The following EYS variants were observed in gnomAD, a reference collection of about 807,000 sequenced individuals.
EYS encodes protein eyes shut homolog.
In EYS, 250 loss-of-function variants were observed where a neutral mutation model predicts 282.1. The ratio of observed to expected loss-of-function variants is 0.89; its 90% CI spans 0.80 to 0.98. The LOEUF (loss-of-function observed/expected upper bound fraction) is 0.98. Among genes scored for constraint, EYS ranks in the 50% least tolerant of loss-of-function variants. The pLI is 0.00. For missense variants in EYS, 4,016 were observed against 3,709.0 expected (o/e 1.08, Z -2.15); for synonymous variants, 1,355 against 1,282.9 (o/e 1.06, Z -1.20).
intron 29 of EYS, among the ~76,000 whole-genome samples, chr6:64,381,213 A>G (rs78109184): frequency 0.031 from 4,723 of 152,148 alleles, 232 homozygotes; most frequent in African/African-American, 0.11. Flanking sequence ...TACTAACTCT[A>G]CCTAGTTAGT....
intron 12 of EYS, among the ~76,000 whole-genome samples, chr6:65,088,670 C>A (rs948360680): frequency 1.3e-5 from 2 of 152,114 alleles, no homozygotes; most frequent in African/African-American, 2.4e-5. Context: ...GAAATTCAAG[C>A]CTGCTATAGA....
At chr6:65,442,787 A>ATAT (rs1429764972) in intron 5 of EYS, among the ~76,000 whole-genome samples, 94 of 105,024 alleles carry the variant, frequency 9.0e-4, no homozygotes, top group East Asian at 2.8e-3. Flanking sequence ...AAATTAAAAA[A>ATAT]AAATATATAG....
intron 35 of EYS, among the ~76,000 whole-genome samples, chr6:63,873,447 G>A (rs889733745): frequency 3.3e-5 from 5 of 152,136 alleles, no homozygotes; most frequent in Non-Finnish European, 7.3e-5. Flanking sequence ...ATTGTGAATA[G>A]TGCTGAAATA....
intron 31 of EYS, among the ~76,000 whole-genome samples, chr6:64,083,976 G>A (rs1412826498): frequency 6.6e-6 from 1 of 152,160 alleles, no homozygotes; most frequent in Non-Finnish European, 1.5e-5. Flanking sequence ...GACCTCAGGT[G>A]ATCCACCTGC....
At chr6:64,307,435 A>G (rs1430391333) in intron 29 of EYS, among the ~76,000 whole-genome samples, 5 of 152,112 alleles carry the variant, frequency 3.3e-5, no homozygotes, top group African/African-American at 1.2e-4. Context: ...GCTAAGTGAA[A>G]TAAGTTAGAC....
intron 5 of EYS, among the ~76,000 whole-genome samples, chr6:65,419,905 T>C (rs936869375): frequency 6.6e-6 from 1 of 151,994 alleles, no homozygotes; most frequent in African/African-American, 2.4e-5. Flanking sequence ...TTACACTATA[T>C]TATAATCTAT....
intron 8 of EYS, among the ~76,000 whole-genome samples, chr6:65,371,979 G>A (rs992331517): frequency 7.6e-5 from 10 of 131,556 alleles, no homozygotes; most frequent in African/African-American, 2.8e-4. Context: ...AGTCACTCTT[G>A]TTGAGGATAA....
chr6:63,721,461 T>C lies in EYS; in HGVS notation c.8570A>G (p.Glu2857Gly). The change falls in exon 43 of 43, where the codon GAA (glutamate) becomes GGA (glycine). Residue 2857 changes from glutamate (E) to glycine (G), a missense_variant. By Grantham distance (98) the Glu-to-Gly change is moderately conservative. Transcript: ENST00000503581. Reference sequence around the variant, plus strand: ...TGCTCCAAATTCAGTTAATTGTAATTCTTGATTATTTATGATAACTTGTCG... The same window carrying C: ...TGCTCCAAATTCAGTTAATTGTAATCCTTGATTATTTATGATAACTTGTCG... ...CIRQVIINNQ[E>G]LQLTEFGAKG... 1 of 1,551,602 alleles carries C rather than the reference T, an allele frequency of 6.4e-7. No homozygotes were observed. The highest frequency in any genetic ancestry group is 8.7e-7 in the Non-Finnish European group (1 of 1,146,882).
intron 30 of EYS, among the ~76,000 whole-genome samples, chr6:64,253,256 C>A (rs1006322170): frequency 5.3e-5 from 8 of 152,024 alleles, no homozygotes; most frequent in Non-Finnish European, 1.0e-4. Flanking sequence ...TAGAGTAAGG[C>A]ACAAAATACT....
intron 14 of EYS, among the ~76,000 whole-genome samples, chr6:64,948,183 T>A (rs1174081219): frequency 6.6e-6 from 1 of 151,474 alleles, no homozygotes; most frequent in Non-Finnish European, 1.5e-5. Context: ...GAAGAAAATA[T>A]AATTTAAAAA....
At chr6:64,241,068 T>C (rs183337460) in intron 30 of EYS, among the ~76,000 whole-genome samples, 28 of 152,228 alleles carry the variant, frequency 1.8e-4, no homozygotes, top group Middle Eastern at 3.4e-3. Flanking sequence ...ATTTGTGTAT[T>C]TGAACCACCC....
At chr6:65,320,607 G>A (rs560514583) in intron 11 of EYS, among the ~76,000 whole-genome samples, 1 of 152,314 alleles carries the variant, frequency 6.6e-6, no homozygotes, top group South Asian at 2.1e-4. Context: ...GATCCAAGTG[G>A]CACATGGGAT....
At chr6:65,598,055 C>T (rs546362512) in intron 2 of EYS, among the ~76,000 whole-genome samples, 37 of 151,894 alleles carry the variant, frequency 2.4e-4, no homozygotes, top group Admixed American at 9.9e-4. Flanking sequence ...AGCTGTGATC[C>T]GGCCACTGCA....
chr6:63,819,667 G>A (rs910429292), intron 36 of EYS, among the ~76,000 whole-genome samples: 2 of 152,114 alleles, frequency 1.3e-5, no homozygotes, highest in African/African-American at 4.8e-5. Context: ...AATTTCATAA[G>A]TTCAGTATCT....
At chr6:65,038,748 T>C (rs1772843056) in intron 13 of EYS, among the ~76,000 whole-genome samples, 1 of 151,456 alleles carries the variant, frequency 6.6e-6, no homozygotes. Flanking sequence ...TTTTCAATAA[T>C]TTTTTTATTA....
chr6:65,175,747 CT>C (rs1286697502), intron 12 of EYS, among the ~76,000 whole-genome samples: 1 of 151,392 alleles, frequency 6.6e-6, no homozygotes, highest in Non-Finnish European at 1.5e-5. Flanking sequence ...GTGAATGACA[CT>C]GAGTCAAAAG....
At chr6:65,329,838 T>C (rs563114012) in intron 11 of EYS, 46 of 982,102 alleles carry the variant, frequency 4.7e-5, no homozygotes, top group Non-Finnish European at 5.3e-5. Context: ...TTTACAAGCC[T>C]CCTGACTCTA....
chr6:64,981,734 AAAAAG>A (rs2150116988), intron 14 of EYS, among the ~76,000 whole-genome samples: 1 of 151,464 alleles, frequency 6.6e-6, no homozygotes, highest in African/African-American at 2.4e-5. Flanking sequence ...AGGGGAATCC[AAAAAG>A]AAAAGAAAAT....
intron 5 of EYS, among the ~76,000 whole-genome samples, chr6:65,478,383 G>A (rs1161395043): frequency 7.9e-5 from 12 of 151,956 alleles, no homozygotes; most frequent in Non-Finnish European, 1.6e-4. Flanking sequence ...TTCACAAAAT[G>A]GTGGACATAA....
Sources: gnomAD v4.1 joint callset for allele counts (sites outside exome capture counted in the v4.1 genomes callset) on GRCh38, gnomAD v4.1.1 for gene constraint, MANE v1.5 for transcripts, NCBI Gene and HGNC (gene_info 2026-07-23, HGNC 2026-07-21) for gene names.